The following GCSH variants were observed in gnomAD, a reference collection of about 807,000 sequenced individuals.
GCSH encodes the protein glycine cleavage system H protein, mitochondrial.
Under a neutral mutation model 21.3 loss-of-function variants are expected in GCSH, and 15 were observed. The observed-to-expected ratio is 0.70, with a 90% confidence interval of 0.47 to 1.08. The LOEUF is 1.08. Among genes scored for constraint, GCSH ranks in the 50% least tolerant of loss-of-function variants. The pLI is 0.00. For synonymous variants in GCSH, 59 were observed against 84.5 expected (o/e 0.70, Z 1.66); for missense variants, 179 against 217.5 (o/e 0.82, Z 1.11).
chr16:81,089,322 A>G (rs936554423), intron 2 of GCSH, among the ~76,000 whole-genome samples: 7 of 152,196 alleles, frequency 4.6e-5, no homozygotes, highest in African/African-American at 1.7e-4. Flanking sequence ...TCCAATGAGC[A>G]TTTTCTTTAA....
At chr16:81,083,390 TG>T (rs2151766069) in intron 4 of GCSH, 1 of 214,838 alleles carries the variant, frequency 4.7e-6, no homozygotes, top group Admixed American at 5.3e-5. Flanking sequence ...TGGTGGCAGT[TG>T]CCCTTGATCC....
chr16:81,091,374 A>G (rs8177868), intron 1 of GCSH: 5,758 of 278,682 alleles, frequency 0.021, 252 homozygotes, highest in African/African-American at 0.11. Context: ...TTGGTGGAGA[A>G]TCAAGCTCTG....
At chr16:81,084,707 A>AT (rs1972236649) in intron 3 of GCSH, 113 bp from the exon 4 acceptor site, 5 of 804,448 alleles carry the variant, frequency 6.2e-6, no homozygotes, top group South Asian at 1.6e-5. Flanking sequence ...AAAATTCCAA[A>AT]TTTCTTTTTT....
intron 1 of GCSH, among the ~76,000 whole-genome samples, chr16:81,092,253 C>A (rs1334790691): frequency 6.6e-6 from 1 of 152,054 alleles, no homozygotes; most frequent in African/African-American, 2.4e-5. Context: ...GTACCACTAT[C>A]CCCCAGCACA....
rs567750194 is a variant in GCSH at position 81,084,165 on chromosome 16, G to A, written c.424+298C>T. ...CAGCTAATTTTTGTATTTCTATAGA[G>A]ACAGAGTTTCACCATGTTGCCCAGG... On this transcript the variant is annotated intron_variant, in intron 4 of 4. Coordinates refer to ENST00000315467, the MANE Select transcript of GCSH (RefSeq NM_004483.5). 10 of 512,484 alleles carry A rather than the reference G, an allele frequency of 2.0e-5. No individual in the cohort carries two copies. In the South Asian group the frequency reaches 2.1e-4, roughly 11 times the overall value. 31.7% of individuals were successfully genotyped at this position (512,484 alleles called of 1,614,324 possible).
At position 81,090,662 on chromosome 16, in the gene GCSH, T is replaced by A. The variant is rs1567589328; in HGVS notation, c.167A>T (p.Lys56Ile). Residue 56 changes from lysine (K) to isoleucine (I), a missense_variant, in exon 2 of 5, where the codon AAA (lysine) becomes ATA (isoleucine). Physicochemically the swap from Lys to Ile is moderately radical, Grantham distance 102. Transcript: ENST00000315467. ...ALLSVRKFTEKHEWVTTENGI... is the reference protein window; with the variant it reads ...ALLSVRKFTEIHEWVTTENGI... ...ATTTTCTGTTGTTACCCATTCGTGTTTCTCTGTGAATTTACGCACTAAAAC... is the reference window on the plus strand; with the variant it reads ...ATTTTCTGTTGTTACCCATTCGTGTATCTCTGTGAATTTACGCACTAAAAC... 6.2e-7 allele frequency: 1 copy of A among 1,612,920 alleles called. No homozygotes were observed.
chr16:81,088,690 T>C (rs937683460), intron 2 of GCSH, among the ~76,000 whole-genome samples: 3 of 152,178 alleles, frequency 2.0e-5, no homozygotes, highest in Admixed American at 2.0e-4. Flanking sequence ...TGTGAGCCAC[T>C]GCGCCCGGCA....
intron 3 of GCSH, 73 bp downstream of exon 3, chr16:81,087,528 G>T: frequency 9.3e-7 from 1 of 1,073,588 alleles, no homozygotes; most frequent in Non-Finnish European, 1.4e-6. Context: ...TTAATCCAGG[G>T]TACAAACAAA....
chr16:81,095,000 A>G (rs897620303), intron 1 of GCSH, among the ~76,000 whole-genome samples: 3 of 151,724 alleles, frequency 2.0e-5, no homozygotes, highest in Non-Finnish European at 4.4e-5. Flanking sequence ...GGCTGAGGCA[A>G]GAGAATCGCT....
intron 1 of GCSH, among the ~76,000 whole-genome samples, chr16:81,092,585 A>T (rs1484239122): frequency 6.6e-6 from 1 of 151,134 alleles, no homozygotes; most frequent in Admixed American, 6.6e-5. Context: ...TACTAAAAAA[A>T]TACAAAAATT....
At position 81,083,365 on chromosome 16, in the gene GCSH, A is replaced by G. The variant is rs8177946; in HGVS notation, c.425-402T>C. On this transcript the variant is annotated intron_variant, in intron 4 of 4. Transcript: ENST00000315467. The stretch of plus-strand genomic sequence containing the variant: ...GAACCCCATCTCTACCAAAACCACA[A>G]AAATTAGCTGGGCGTGGTGGCAGTT... 8.3e-3 allele frequency: 1,848 copies of G among 223,614 alleles called. 39 individuals carry two copies. The highest frequency in any genetic ancestry group is 0.041 in the African/African-American group (1,732 of 42,482). 13.9% of individuals were successfully genotyped at this position (223,614 alleles called of 1,614,324 possible).
chr16:81,087,703 T>G (rs868534379), intron 2 of GCSH, 39 bp from the exon 3 acceptor site: 5 of 1,396,766 alleles, frequency 3.6e-6, no homozygotes, highest in Non-Finnish European at 5.1e-6. Flanking sequence ...CTCTAAGAAG[T>G]TATAACTAAA....
At chr16:81,094,595 GAT>G (rs1200327630) in intron 1 of GCSH, among the ~76,000 whole-genome samples, 2 of 152,132 alleles carry the variant, frequency 1.3e-5, no homozygotes, top group Non-Finnish European at 2.9e-5. Context: ...TCAAATTAGT[GAT>G]GTAGGGATCC....
chr16:81,093,142 T>C (rs1156718123), intron 1 of GCSH, among the ~76,000 whole-genome samples: 1 of 151,160 alleles, frequency 6.6e-6, no homozygotes, highest in African/African-American at 2.4e-5. Context: ...AAAAAAAAAG[T>C]TGCAGAATGA....
At chr16:81,087,327 AC>A (rs1972302725) in intron 3 of GCSH, among the ~76,000 whole-genome samples, 1 of 152,058 alleles carries the variant, frequency 6.6e-6, no homozygotes, top group Non-Finnish European at 1.5e-5. Context: ...GGAGTTCGAG[AC>A]CAGCCTTGCC....
At chr16:81,088,927 T>G (rs1972337767) in intron 2 of GCSH, among the ~76,000 whole-genome samples, 1 of 152,154 alleles carries the variant, frequency 6.6e-6, no homozygotes, top group South Asian at 2.1e-4. Flanking sequence ...CATGTAATGT[T>G]TGCAAGTCAT....
At chr16:81,084,271 G>A (rs963346813) in intron 4 of GCSH, 192 bp downstream of exon 4, 24 of 643,280 alleles carry the variant, frequency 3.7e-5, no homozygotes, top group Non-Finnish European at 5.0e-5. Context: ...GAGCCACTGC[G>A]CCTAGCCAGA....
chr16:81,095,655 T>G (rs1972490349), intron 1 of GCSH, among the ~76,000 whole-genome samples: 1 of 152,214 alleles, frequency 6.6e-6, no homozygotes, highest in Non-Finnish European at 1.5e-5. Flanking sequence ...GCGCCCTGCC[T>G]GGTGCTTTAA....
At chr16:81,095,932 C>T (rs140563162) in intron 1 of GCSH, among the ~76,000 whole-genome samples, 199 bp downstream of exon 1, 1 of 152,302 alleles carries the variant, frequency 6.6e-6, no homozygotes, top group Non-Finnish European at 1.5e-5. Flanking sequence ...AGGCTACTCG[C>T]GGGTCCTCCC....
Sources: gnomAD v4.1 joint callset for allele counts (sites outside exome capture counted in the v4.1 genomes callset) on GRCh38, gnomAD v4.1.1 for gene constraint, MANE v1.5 for transcripts, NCBI Gene and HGNC (gene_info 2026-07-23, HGNC 2026-07-21) for gene names.